SLC35F3: variants seen among roughly 807,000 people sequenced by gnomAD.
The protein encoded by SLC35F3 is putative thiamine transporter SLC35F3.
SLC35F3 carries 25 observed loss-of-function variants against 49.9 expected under a neutral mutation model. The ratio of observed to expected loss-of-function variants is 0.50; its 90% CI spans 0.37 to 0.70. SLC35F3 has a LOEUF of 0.70. SLC35F3 is among the 30% of genes least tolerant of loss of function. The probability of loss-of-function intolerance (pLI) is 0.00; values close to 1 mark genes in which losing one functional copy is unlikely to be tolerated. For synonymous variants in SLC35F3, 275 were observed against 265.4 expected (o/e 1.04, Z -0.35); for missense variants, 525 against 639.8 (o/e 0.82, Z 1.94).
At chr1:234,199,481 C>CA (rs577065837) in intron 2 of SLC35F3, among the ~76,000 whole-genome samples, 219 of 152,104 alleles carry the variant, frequency 1.4e-3, no homozygotes, top group African/African-American at 4.9e-3. Context: ...ACATTATATA[C>CA]AAAAAAATCA....
chr1:233,987,671 C>T (rs942264424), intron 2 of SLC35F3, among the ~76,000 whole-genome samples: 1 of 152,134 alleles, frequency 6.6e-6, no homozygotes, highest in South Asian at 2.1e-4. Flanking sequence ...TTCACGTTTT[C>T]TCAGATTTGG....
intron 2 of SLC35F3, among the ~76,000 whole-genome samples, chr1:234,000,874 G>A (rs549971516): frequency 3.9e-5 from 6 of 152,280 alleles, no homozygotes; most frequent in African/African-American, 1.4e-4. Context: ...GGCTATTGTT[G>A]CTGTAATTGG....
At chr1:234,302,443 G>T (rs1668707044) in intron 3 of SLC35F3, among the ~76,000 whole-genome samples, 1 of 152,150 alleles carries the variant, frequency 6.6e-6, no homozygotes, top group African/African-American at 2.4e-5. Context: ...GACTAGAGTA[G>T]CTGGACAGTG....
At chr1:234,266,265 T>G (rs1667977163) in intron 3 of SLC35F3, among the ~76,000 whole-genome samples, 1 of 152,012 alleles carries the variant, frequency 6.6e-6, no homozygotes, top group Non-Finnish European at 1.5e-5. Flanking sequence ...CAGTAGAAAA[T>G]GGGCAAAAGA....
At chr1:234,203,608 G>T (rs941985559) in intron 2 of SLC35F3, among the ~76,000 whole-genome samples, 1 of 152,112 alleles carries the variant, frequency 6.6e-6, no homozygotes, top group African/African-American at 2.4e-5. Context: ...CTTCTCAGGA[G>T]GCTGAGGCAG....
intron 3 of SLC35F3, among the ~76,000 whole-genome samples, chr1:234,299,679 C>T (rs1261516140): frequency 6.6e-6 from 1 of 151,788 alleles, no homozygotes; most frequent in African/African-American, 2.4e-5. Context: ...GTGGCAGGCG[C>T]CTGTAGTCCC....
chr1:234,071,538 A>G (rs1018919088), intron 2 of SLC35F3, among the ~76,000 whole-genome samples: 3 of 152,212 alleles, frequency 2.0e-5, no homozygotes, highest in African/African-American at 7.2e-5. Flanking sequence ...CACCTCTGAT[A>G]GGAGTAGAGC....
chr1:234,244,618 C>CTTT (rs57728116), intron 3 of SLC35F3, among the ~76,000 whole-genome samples: 1 of 144,160 alleles, frequency 6.9e-6, no homozygotes, highest in African/African-American at 2.5e-5. Flanking sequence ...TTGATTATCA[C>CTTT]TTTTTTTTTT....
chr1:234,160,813 C>A (rs977009528), intron 2 of SLC35F3, among the ~76,000 whole-genome samples: 4 of 152,164 alleles, frequency 2.6e-5, no homozygotes, highest in Admixed American at 2.6e-4. Context: ...CAACTTTAAC[C>A]CAAGTGTACA....
chr1:234,135,372 G>GA (rs1665795902), intron 2 of SLC35F3, among the ~76,000 whole-genome samples: 1 of 152,060 alleles, frequency 6.6e-6, no homozygotes, highest in African/African-American at 2.4e-5. Flanking sequence ...CAATAAAAAT[G>GA]AAAAAAATTA....
intron 2 of SLC35F3, among the ~76,000 whole-genome samples, chr1:234,129,763 C>A (rs1173805330): frequency 6.6e-6 from 1 of 152,208 alleles, no homozygotes; most frequent in Non-Finnish European, 1.5e-5. Context: ...AAAACATCCA[C>A]ACCTGCACTC....
intron 2 of SLC35F3, among the ~76,000 whole-genome samples, chr1:233,919,864 A>G (rs1406979423): frequency 2.0e-5 from 3 of 152,008 alleles, no homozygotes; most frequent in Admixed American, 1.3e-4. Flanking sequence ...CTCCCTGGAG[A>G]AGGATGGGCT....
chr1:234,058,757 A>G (rs1664494821), intron 2 of SLC35F3, among the ~76,000 whole-genome samples: 1 of 152,136 alleles, frequency 6.6e-6, no homozygotes, highest in African/African-American at 2.4e-5. Context: ...TATCGAGGTA[A>G]TGCCGCCCTC....
chr1:233,977,507 G>A (rs1232039908), intron 2 of SLC35F3, among the ~76,000 whole-genome samples: 2 of 152,186 alleles, frequency 1.3e-5, no homozygotes, highest in South Asian at 2.1e-4. Flanking sequence ...GGAGCTGCAC[G>A]TACAACAGTG....
chr1:234,223,803 AT>A (rs1667244372), intron 2 of SLC35F3, among the ~76,000 whole-genome samples: 2 of 152,178 alleles, frequency 1.3e-5, no homozygotes, highest in South Asian at 2.1e-4. Flanking sequence ...AAAAAAGGAC[AT>A]TTTTTTACTC....
intron 3 of SLC35F3, among the ~76,000 whole-genome samples, chr1:234,295,518 G>A (rs1668577592): frequency 6.6e-6 from 1 of 152,144 alleles, no homozygotes; most frequent in Non-Finnish European, 1.5e-5. Context: ...AGCTTGAGAG[G>A]GAGTGCTGCT....
chr1:234,263,581 A>G (rs1351187342), intron 3 of SLC35F3, among the ~76,000 whole-genome samples: 1 of 152,102 alleles, frequency 6.6e-6, no homozygotes, highest in Non-Finnish European at 1.5e-5. Flanking sequence ...AGCTTGCTGG[A>G]ATTGTGGTCT....
intron 3 of SLC35F3, among the ~76,000 whole-genome samples, chr1:234,248,595 C>A (rs1667684881): frequency 6.6e-6 from 1 of 152,024 alleles, no homozygotes; most frequent in Non-Finnish European, 1.5e-5. Context: ...AGCAGAGGAA[C>A]ACTTCCTTCT....
At chr1:233,932,435 C>G (rs1662258494) in intron 2 of SLC35F3, among the ~76,000 whole-genome samples, 1 of 152,214 alleles carries the variant, frequency 6.6e-6, no homozygotes, top group Non-Finnish European at 1.5e-5. Flanking sequence ...AGTTCAAAAA[C>G]TAGCAAAACC....
Sources: allele counts gnomAD v4.1 joint callset (sites outside exome capture counted in the v4.1 genomes callset), GRCh38; gene constraint gnomAD v4.1.1; transcripts MANE v1.5; gene names NCBI Gene and HGNC (gene_info 2026-07-23, HGNC 2026-07-21).